MSI2: variants seen among roughly 807,000 people sequenced by gnomAD.
The protein encoded by MSI2 is RNA-binding protein Musashi homolog 2.
Under a neutral mutation model 45.6 loss-of-function variants are expected in MSI2, and 17 were observed. That is an observed-to-expected ratio of 0.37 (90% CI 0.26 to 0.56). The LOEUF (loss-of-function observed/expected upper bound fraction) is 0.56. MSI2 is among the 20% of genes least tolerant of loss of function. The pLI is 0.77. For synonymous variants in MSI2, 156 were observed against 158.2 expected, an observed-to-expected ratio of 0.99 and a Z score of 0.11; for missense variants, 293 against 444.2, an observed-to-expected ratio of 0.66 and a Z score of 3.06.
chr17:57,621,115 CGA>C lies in MSI2; in HGVS notation c.652+5032_652+5033del, dbSNP rs1208925868. On this transcript the variant is annotated intron_variant, in intron 9 of 13. Coordinates refer to ENST00000284073, the MANE Select transcript of MSI2 (RefSeq NM_138962.4). ...TTCTCTTTCTTCTTGCTTCTTCCCT[CGA>C]AAGTGGTAGTGTAGCATCAGGCAGA... 1.3e-3 allele frequency among the ~76,000 whole-genome samples: 203 copies of C among 152,310 alleles called. 2 individuals carry two copies. Among genetic ancestry groups the C allele is most frequent in the African/African-American group, 4.8e-3 (199 of 41,564 alleles).
chr17:57,375,311 C>T (rs1270982900), intron 5 of MSI2, among the ~76,000 whole-genome samples: 4 of 152,158 alleles, frequency 2.6e-5, no homozygotes, highest in Admixed American at 2.0e-4. Flanking sequence ...GTAGGTCAGC[C>T]GCACTTCCCC....
intron 6 of MSI2, among the ~76,000 whole-genome samples, chr17:57,454,441 T>TC (rs1477900638): frequency 2.0e-5 from 3 of 147,968 alleles, no homozygotes; most frequent in African/African-American, 5.0e-5. Context: ...TCTCTTTCTT[T>TC]TTTTTTTTTT....
At chr17:57,523,313 G>A (rs1254043683) in intron 6 of MSI2, among the ~76,000 whole-genome samples, 1 of 152,302 alleles carries the variant, frequency 6.6e-6, no homozygotes, top group East Asian at 1.9e-4. Flanking sequence ...CTCCCAAAGT[G>A]TTGGGATTAC....
intron 7 of MSI2, among the ~76,000 whole-genome samples, chr17:57,585,154 T>C (rs2088312400): frequency 6.6e-6 from 1 of 152,150 alleles, no homozygotes; most frequent in South Asian, 2.1e-4. Flanking sequence ...CAAGGTGACC[T>C]AGGAATTCAC....
At chr17:57,518,396 G>A (rs1448810172) in intron 6 of MSI2, among the ~76,000 whole-genome samples, 1 of 152,156 alleles carries the variant, frequency 6.6e-6, no homozygotes, top group African/African-American at 2.4e-5. Context: ...CACAGGAGAT[G>A]TGGATGATTT....
intron 5 of MSI2, among the ~76,000 whole-genome samples, chr17:57,317,766 C>T (rs1056901240): frequency 3.9e-5 from 6 of 152,162 alleles, no homozygotes; most frequent in African/African-American, 7.2e-5. Flanking sequence ...AGCCAGCAAA[C>T]GCAGAGCCCA....
At chr17:57,690,373 G>T in the MSI2 span, among the ~76,000 whole-genome samples, 115 of 151,640 alleles carry the variant, frequency 7.6e-4, no homozygotes, top group Non-Finnish European at 1.3e-3. Flanking sequence ...CACTTTCAGA[G>T]GCCAAGGCAG....
intron 10 of MSI2, among the ~76,000 whole-genome samples, chr17:57,633,342 C>T (rs1270157028): frequency 5.3e-5 from 8 of 152,274 alleles, no homozygotes; most frequent in African/African-American, 1.9e-4. Context: ...TCCCTGCCTC[C>T]TGGCATCCCC....
At chr17:57,292,748 A>G (rs1336659560) in intron 5 of MSI2, among the ~76,000 whole-genome samples, 2 of 152,138 alleles carry the variant, frequency 1.3e-5, no homozygotes, top group African/African-American at 4.8e-5. Context: ...TTAGGAGGGA[A>G]AGGAGCCTTT....
At chr17:57,685,219 C>T (rs912249562), downstream of MSI2, among the ~76,000 whole-genome samples, 3 of 152,134 alleles carry the variant, frequency 2.0e-5, no homozygotes, top group African/African-American at 4.8e-5. Flanking sequence ...CAATACTTTC[C>T]ACCCCTCTCT....
chr17:57,559,574 A>G (rs1054623584), intron 7 of MSI2, among the ~76,000 whole-genome samples: 7 of 152,212 alleles, frequency 4.6e-5, no homozygotes, highest in African/African-American at 1.4e-4. Flanking sequence ...AGTGGTGAAC[A>G]TGCAACACCC....
chr17:57,587,226 C>T (rs1279003993), intron 7 of MSI2, among the ~76,000 whole-genome samples: 1 of 152,162 alleles, frequency 6.6e-6, no homozygotes, highest in East Asian at 1.9e-4. Context: ...AAATGGTCGC[C>T]AGGTTATGGT....
At chr17:57,567,596 G>C (rs1048760941) in intron 7 of MSI2, among the ~76,000 whole-genome samples, 3 of 152,220 alleles carry the variant, frequency 2.0e-5, no homozygotes, top group Admixed American at 6.5e-5. Context: ...ACCGGCGACT[G>C]CCAGTCTCTC....
intron 5 of MSI2, among the ~76,000 whole-genome samples, chr17:57,362,755 T>A (rs1431322347): frequency 6.6e-6 from 1 of 152,130 alleles, no homozygotes; most frequent in Non-Finnish European, 1.5e-5. Context: ...GAAAAAAAAA[T>A]TCATACTAAA....
intron 11 of MSI2, 51 bp from the exon 12 acceptor site, chr17:57,674,921 T>C: frequency 6.2e-7 from 1 of 1,607,982 alleles, no homozygotes; most frequent in Non-Finnish European, 8.5e-7. Context: ...ACACCAGTCC[T>C]GAATAGCTAC....
intron 10 of MSI2, among the ~76,000 whole-genome samples, chr17:57,649,614 C>T (rs1161510652): frequency 1.3e-5 from 2 of 152,226 alleles, no homozygotes; most frequent in Non-Finnish European, 2.9e-5. Context: ...GCTTGCCCAT[C>T]TCCCGCAAGC....
chr17:57,265,989 C>G (rs1406073843), intron 5 of MSI2: 2 of 152,192 alleles, frequency 1.3e-5, no homozygotes, highest in Non-Finnish European at 2.9e-5. Context: ...TAGCATCTTT[C>G]AGCAAGAGCG....
chr17:57,346,352 G>GC (rs894307795), intron 5 of MSI2, among the ~76,000 whole-genome samples: 3 of 147,412 alleles, frequency 2.0e-5, no homozygotes, highest in African/African-American at 2.5e-5. Context: ...ACATTTTGGG[G>GC]GGGGGGGTCT....
chr17:57,289,560 C>A (rs572332389), intron 5 of MSI2, among the ~76,000 whole-genome samples: 1 of 151,956 alleles, frequency 6.6e-6, no homozygotes, highest in African/African-American at 2.4e-5. Context: ...GTCTGTAAGA[C>A]GAGCCTGGAA....
Sources: gnomAD v4.1 joint callset for allele counts (sites outside exome capture counted in the v4.1 genomes callset) on GRCh38, gnomAD v4.1.1 for gene constraint, MANE v1.5 for transcripts, NCBI Gene and HGNC (gene_info 2026-07-23, HGNC 2026-07-21) for gene names.